The following SIPA1L3 variants were observed in gnomAD, a reference collection of about 807,000 sequenced individuals.
SIPA1L3 encodes signal-induced proliferation-associated 1-like protein 3.
SIPA1L3 carries 59 observed loss-of-function variants against 150.1 expected under a neutral mutation model. That is an observed-to-expected ratio of 0.39 (90% CI 0.32 to 0.49). The LOEUF is 0.49. SIPA1L3 is among the 20% of genes least tolerant of loss of function. The pLI, the probability that SIPA1L3 is intolerant of heterozygous loss-of-function variation, is 0.86. For synonymous variants in SIPA1L3, 1,070 were observed against 1,077.6 expected, an observed-to-expected ratio of 0.99 and a Z score of 0.14; for missense variants, 2,211 against 2,489.5, an observed-to-expected ratio of 0.89 and a Z score of 2.38.
At chr19:38,087,105 A>C (rs1327575725) in intron 3 of SIPA1L3, among the ~76,000 whole-genome samples, 1 of 152,234 alleles carries the variant, frequency 6.6e-6, no homozygotes. Flanking sequence ...AAGGAGGTGC[A>C]CAGATGGGCC....
Position 37,939,279 on chromosome 19 carries a change from T to C in SIPA1L3, c.-379+31921T>C, listed in dbSNP as rs188667386. Among the ~76,000 whole-genome samples the C allele has an allele frequency of 4.1e-3, 624 of 151,490 alleles. 4 individuals carry two copies. The highest frequency in any genetic ancestry group is 0.014 in the Admixed American group (211 of 15,084). On this transcript the variant is annotated intron_variant, in intron 1 of 21. Transcript: ENST00000222345. ...GGCTGGCCATGGTGGCACACACCTG[T>C]AATCCCAGCTACTCAAGAGGCTGAG...
intron 12 of SIPA1L3, among the ~76,000 whole-genome samples, chr19:38,146,143 C>T (rs936371536): frequency 1.3e-5 from 2 of 152,214 alleles, no homozygotes; most frequent in Non-Finnish European, 2.9e-5. Flanking sequence ...GGATTACAGG[C>T]GTGAGCCACC....
chr19:38,112,625 T>C (rs1483356820), intron 8 of SIPA1L3, among the ~76,000 whole-genome samples: 1 of 152,232 alleles, frequency 6.6e-6, no homozygotes, highest in East Asian at 1.9e-4. Context: ...CAGAGACCCA[T>C]GTGCCCACCG....
At chr19:38,196,580 GTGGAGGTCAAGGGAGGAGCA>G (rs1342490915) in intron 18 of SIPA1L3, among the ~76,000 whole-genome samples, 19 of 113,630 alleles carry the variant, frequency 1.7e-4, no homozygotes, top group South Asian at 3.2e-4. Flanking sequence ...AGGGCAGAGC[GTGGAGGTCAAGGGAGGAGCA>G]TGGAGGTCAA....
intron 1 of SIPA1L3, among the ~76,000 whole-genome samples, chr19:37,988,151 G>C (rs1416634358): frequency 6.6e-6 from 1 of 152,166 alleles, no homozygotes; most frequent in Non-Finnish European, 1.5e-5. Context: ...GGTGGGGCCT[G>C]TGAACACCTG....
At position 38,207,110 on chromosome 19, in the gene SIPA1L3, C is replaced by T. The variant is rs1254269495; in HGVS notation, c.*870C>T. The T allele has an allele frequency of 6.6e-6, 1 of 152,304 alleles. No homozygotes were observed. Among genetic ancestry groups the T allele is most frequent in the Admixed American group, 6.5e-5 (1 of 15,284 alleles). 9.4% of individuals were successfully genotyped at this position (152,304 alleles called of 1,614,324 possible). A position where few individuals can be genotyped will look rare whatever the true frequency, so the allele number is the denominator to read the frequency against. ...CTCTCTCCTCCTCCTCCCGGCACGA[C>T]CTGGCCCTGACCAGCAGCCTCGGCC... On this transcript the variant is annotated 3_prime_UTR_variant, in exon 22 of 22. Transcript: ENST00000222345.
At chr19:38,140,908 C>T (rs1480600124) in intron 10 of SIPA1L3, among the ~76,000 whole-genome samples, 1 of 151,710 alleles carries the variant, frequency 6.6e-6, no homozygotes, top group Non-Finnish European at 1.5e-5. Context: ...AAATACAAAA[C>T]TTAGCCGGGC....
intron 1 of SIPA1L3, among the ~76,000 whole-genome samples, chr19:37,979,246 A>C (rs1475836668): frequency 2.0e-5 from 3 of 151,632 alleles, no homozygotes; most frequent in Non-Finnish European, 4.4e-5. Context: ...TGCCACGTAA[A>C]CCTATATGAA....
rs144378318 is a variant in SIPA1L3, at chr19:38,174,311, G to A, written c.4209-8208G>A. On this transcript the variant is annotated intron_variant, in intron 15 of 21. Transcript: ENST00000222345. The stretch of plus-strand genomic sequence containing the variant: ...CCTACACTGGAGCACAATTCCAGCC[G>A]CATGCAGGGATGAATTGGTTCTCCA... Among the ~76,000 whole-genome samples, 4 of 152,292 alleles carry A rather than the reference G, an allele frequency of 2.6e-5. No homozygotes were observed. In the East Asian group the frequency reaches 5.8e-4, roughly 22 times the overall value.
At chr19:37,995,663 G>A (rs1164665265) in intron 1 of SIPA1L3, among the ~76,000 whole-genome samples, 1 of 152,200 alleles carries the variant, frequency 6.6e-6, no homozygotes, top group South Asian at 2.1e-4. Flanking sequence ...TGGGGCCTGG[G>A]CAGAGGGCAC....
At chr19:37,909,387 T>G (rs113968409) in intron 1 of SIPA1L3, among the ~76,000 whole-genome samples, 22 of 152,022 alleles carry the variant, frequency 1.4e-4, no homozygotes, top group African/African-American at 5.1e-4. Flanking sequence ...TTTTTTTTTT[T>G]AGTAGAGATG....
chr19:37,991,234 A>AAAAGAAAG (rs561742926), intron 1 of SIPA1L3, among the ~76,000 whole-genome samples: 1 of 152,164 alleles, frequency 6.6e-6, no homozygotes, highest in East Asian at 1.9e-4. Flanking sequence ...TCTGTCTCAA[A>AAAAGAAAG]AAAGAAAGAA....
intron 7 of SIPA1L3, among the ~76,000 whole-genome samples, chr19:38,108,857 C>G (rs1166508485): frequency 6.6e-6 from 1 of 152,050 alleles, no homozygotes; most frequent in Non-Finnish European, 1.5e-5. Context: ...GGCGTGGTGG[C>G]GCATGCCTGT....
Position 38,119,673 on chromosome 19 carries a change from G to A in SIPA1L3, c.2659G>A (p.Asp887Asn), listed in dbSNP as rs151167786. The A allele has an allele frequency of 8.5e-4, 1,365 of 1,614,196 alleles. 13 individuals carry two copies. In the South Asian group the frequency reaches 9.3e-3, roughly 11 times the overall value. The change falls in exon 9 of 22, where the codon GAC (aspartate) becomes AAC (asparagine). Residue 887 changes from aspartate (D) to asparagine (N), a missense_variant. This residue lies in a region of SIPA1L3 where 625 missense variants were observed against 804.2 expected (regional missense o/e 0.78). Transcript: ENST00000222345. Reference protein sequence around the residue: ...AQDYAQGVEIDCILGISNEFV... With the variant: ...AQDYAQGVEINCILGISNEFV... ...GGACTACGCCCAGGGGGTGGAAATCGACTGCATTTTGGGAATTTCCAATGA... is the reference window on the plus strand; with the variant it reads ...GGACTACGCCCAGGGGGTGGAAATCAACTGCATTTTGGGAATTTCCAATGA...
At chr19:38,055,968 A>G (rs1172028484) in intron 2 of SIPA1L3, among the ~76,000 whole-genome samples, 2 of 152,226 alleles carry the variant, frequency 1.3e-5, no homozygotes, top group East Asian at 3.8e-4. Flanking sequence ...TGACTGCCAG[A>G]GCCCAAACAT....
chr19:38,057,214 T>C (rs1969336847), intron 2 of SIPA1L3, among the ~76,000 whole-genome samples: 1 of 151,810 alleles, frequency 6.6e-6, no homozygotes, highest in African/African-American at 2.4e-5. Context: ...GACGTTGCAG[T>C]GAGCTGAAAT....
At chr19:37,917,049 G>A (rs2046420130) in intron 1 of SIPA1L3, among the ~76,000 whole-genome samples, 1 of 152,056 alleles carries the variant, frequency 6.6e-6, no homozygotes, top group Non-Finnish European at 1.5e-5. Flanking sequence ...AAGGAAGCAG[G>A]AAAGTAATTT....
chr19:38,197,407 G>A (rs1242176463), intron 18 of SIPA1L3, among the ~76,000 whole-genome samples: 5 of 152,046 alleles, frequency 3.3e-5, no homozygotes, highest in Admixed American at 6.5e-5. Context: ...TGCTGGCGCC[G>A]TTGCTTCTCA....
At chr19:38,193,826 TG>T in intron 18 of SIPA1L3, 46 bp downstream of exon 18, 1 of 1,491,622 alleles carries the variant, frequency 6.7e-7, no homozygotes, top group Non-Finnish European at 8.8e-7. Flanking sequence ...ACCCCAAGGT[TG>T]GGAGGTGGGG....
Sources: allele counts gnomAD v4.1 joint callset (sites outside exome capture counted in the v4.1 genomes callset), GRCh38; gene constraint gnomAD v4.1.1; regional missense constraint gnomAD v4.1.1; transcripts MANE v1.5; gene names NCBI Gene and HGNC (gene_info 2026-07-23, HGNC 2026-07-21).